Variants in DOK6 observed in about 807,000 individuals in gnomAD.
DOK6 encodes the protein docking protein 6.
Under a neutral mutation model 44.0 loss-of-function variants are expected in DOK6, and 22 were observed. The ratio of observed to expected loss-of-function variants is 0.50; its 90% confidence interval spans 0.36 to 0.71. The LOEUF is 0.71. DOK6 is among the 30% of genes least tolerant of loss of function. The probability of loss-of-function intolerance (pLI) is 0.00; values close to 1 mark genes in which losing one functional copy is unlikely to be tolerated. For synonymous variants in DOK6, 166 were observed against 145.5 expected, an observed-to-expected ratio of 1.14 and a Z score of -1.01; for missense variants, 340 against 416.4, an observed-to-expected ratio of 0.82 and a Z score of 1.60.
intron 3 of DOK6, among the ~76,000 whole-genome samples, chr18:69,617,430 GA>G (rs1252244721): frequency 6.7e-6 from 1 of 149,158 alleles, no homozygotes; most frequent in African/African-American, 2.5e-5. Flanking sequence ...GAAAAAGAAA[GA>G]AAGAGGGAGG....
chr18:69,438,212 ATAG>A lies in DOK6; in HGVS notation c.66+36906_66+36908del, dbSNP rs145916927. ...GATGCTATTTGATAGCATTTTATCC[ATAG>A]TAGAACTTCGCTCACAATTGGAATA... On this transcript the variant is annotated intron_variant, in intron 1 of 7. Transcript: ENST00000382713. Among the ~76,000 whole-genome samples the A allele has an allele frequency of 4.8e-3, 732 of 152,296 alleles. 5 individuals carry two copies. The highest frequency in any genetic ancestry group is 0.017 in the African/African-American group (698 of 41,564).
intron 1 of DOK6, among the ~76,000 whole-genome samples, chr18:69,482,112 T>C (rs1024298510): frequency 3.3e-5 from 5 of 152,238 alleles, no homozygotes; most frequent in Non-Finnish European, 7.3e-5. Flanking sequence ...CATTTTAGAT[T>C]CTGGGTATTA....
At chr18:69,498,471 G>A (rs953303778) in intron 1 of DOK6, among the ~76,000 whole-genome samples, 1 of 151,986 alleles carries the variant, frequency 6.6e-6, no homozygotes, top group Non-Finnish European at 1.5e-5. Flanking sequence ...GATATGATAA[G>A]GAATACCAAA....
At chr18:69,771,649 T>G (rs1344541728) in intron 7 of DOK6, among the ~76,000 whole-genome samples, 7 of 152,016 alleles carry the variant, frequency 4.6e-5, no homozygotes, top group Non-Finnish European at 1.0e-4. Context: ...ACCATCTCTA[T>G]GTACATTAGC....
chr18:69,798,527 T>G (rs886244555), intron 7 of DOK6, among the ~76,000 whole-genome samples: 1 of 152,064 alleles, frequency 6.6e-6, no homozygotes, highest in Admixed American at 6.6e-5. Context: ...TACTGTTAAA[T>G]TTTTTTAATT....
At chr18:69,733,677 C>T (rs1190363461) in intron 5 of DOK6, among the ~76,000 whole-genome samples, 1 of 152,164 alleles carries the variant, frequency 6.6e-6, no homozygotes, top group East Asian at 1.9e-4. Flanking sequence ...TTTACACAAA[C>T]ATTAGCATGC....
At chr18:69,710,959 C>A (rs1986741560) in intron 5 of DOK6, among the ~76,000 whole-genome samples, 1 of 152,186 alleles carries the variant, frequency 6.6e-6, no homozygotes, top group African/African-American at 2.4e-5. Context: ...GCATAAGGCT[C>A]AACATTTGCT....
chr18:69,417,734 T>C (rs1433045020), intron 1 of DOK6, among the ~76,000 whole-genome samples: 1 of 152,190 alleles, frequency 6.6e-6, no homozygotes, highest in East Asian at 1.9e-4. Flanking sequence ...ATTTTCTGTC[T>C]TCTTAATAGT....
At chr18:69,794,096 A>G (rs1482449704) in intron 7 of DOK6, among the ~76,000 whole-genome samples, 1 of 152,102 alleles carries the variant, frequency 6.6e-6, no homozygotes, top group Non-Finnish European at 1.5e-5. Context: ...GAAATTTTTC[A>G]TTTTGCTCAG....
chr18:69,757,775 A>C lies in DOK6; in HGVS notation c.758A>C (p.Glu253Ala). Reference sequence around the variant, plus strand: ...TTTTAGCTTCAGACAAGCTTGACTGAACCAATGACATTATCCAAATCAATA... The same window carrying C: ...TTTTAGCTTCAGACAAGCTTGACTGCACCAATGACATTATCCAAATCAATA... ...QKARLQTSLTEPMTLSKSISL... is the reference protein window; with the variant it reads ...QKARLQTSLTAPMTLSKSISL... The change falls in exon 7 of 8, where the codon GAA (glutamate) becomes GCA (alanine). Residue 253 changes from glutamate to alanine, a missense_variant. By Grantham distance (107) the Glu-to-Ala change is moderately radical. Coordinates refer to ENST00000382713, the MANE Select transcript of DOK6 (RefSeq NM_152721.6). 2 of 1,614,128 alleles carry C rather than the reference A, an allele frequency of 1.2e-6. No homozygotes were observed. The highest frequency in any genetic ancestry group is 1.7e-6 in the Non-Finnish European group (2 of 1,179,984).
chr18:69,601,245 C>A (rs1292048373), intron 3 of DOK6, among the ~76,000 whole-genome samples: 1 of 152,152 alleles, frequency 6.6e-6, no homozygotes, highest in African/African-American at 2.4e-5. Context: ...AGAATACATA[C>A]CAATGGCCCA....
chr18:69,408,640 A>G (rs1568247880), intron 1 of DOK6, among the ~76,000 whole-genome samples: 1 of 152,200 alleles, frequency 6.6e-6, no homozygotes, highest in African/African-American at 2.4e-5. Context: ...AAGAAAACCT[A>G]AATACAAAAA....
intron 1 of DOK6, among the ~76,000 whole-genome samples, chr18:69,508,065 T>C (rs866477253): frequency 1.3e-5 from 2 of 152,088 alleles, no homozygotes; most frequent in African/African-American, 4.8e-5. Context: ...TCCTAGTATA[T>C]TTTTTTCATG....
At position 69,519,885 on chromosome 18, in the gene DOK6, G is replaced by C. The variant is rs113817857; in HGVS notation, c.67-44602G>C. ...TGTCAATAAACCCTTAAATAGAAAA[G>C]TCAGATACATTTAATAAGTTGTGTT... On this transcript the variant is annotated intron_variant, in intron 1 of 7. Coordinates refer to ENST00000382713, the MANE Select transcript of DOK6 (RefSeq NM_152721.6). Among the ~76,000 whole-genome samples, 462 of 151,816 alleles carry C rather than the reference G, an allele frequency of 3.0e-3. 2 individuals are homozygous for C. The highest frequency in any genetic ancestry group is 0.011 in the African/African-American group (436 of 41,498).
intron 5 of DOK6, among the ~76,000 whole-genome samples, chr18:69,720,683 A>G (rs1225501370): frequency 6.6e-6 from 1 of 152,198 alleles, no homozygotes; most frequent in Admixed American, 6.5e-5. Context: ...GTTTTGCAAT[A>G]TGCTTAGCAT....
intron 2 of DOK6, among the ~76,000 whole-genome samples, chr18:69,594,844 G>T (rs924231521): frequency 1.3e-5 from 2 of 151,136 alleles, no homozygotes; most frequent in African/African-American, 4.9e-5. Flanking sequence ...AAAAAGAAAA[G>T]AAAAAAGAAA....
At chr18:69,757,632 G>A (rs1979398816) in intron 6 of DOK6, 124 bp from the exon 7 acceptor site, 2 of 723,244 alleles carry the variant, frequency 2.8e-6, no homozygotes, top group Non-Finnish European at 4.8e-6. Context: ...CTTACACCGG[G>A]GATCATGCAG....
At chr18:69,475,775 G>C (rs926013910) in intron 1 of DOK6, among the ~76,000 whole-genome samples, 6 of 151,152 alleles carry the variant, frequency 4.0e-5, no homozygotes, top group African/African-American at 1.5e-4. Context: ...GCTTTCACTA[G>C]AAAAAAAAAT....
chr18:69,794,671 T>C (rs1157499051), intron 7 of DOK6, among the ~76,000 whole-genome samples: 1 of 152,152 alleles, frequency 6.6e-6, no homozygotes, highest in Non-Finnish European at 1.5e-5. Flanking sequence ...GTTTATGGCC[T>C]GTTAGAAACC....
Sources: gnomAD v4.1 joint callset for allele counts (sites outside exome capture counted in the v4.1 genomes callset) on GRCh38, gnomAD v4.1.1 for gene constraint, MANE v1.5 for transcripts, NCBI Gene and HGNC (gene_info 2026-07-23, HGNC 2026-07-21) for gene names.